Variants in PTPRT observed in about 807,000 individuals in gnomAD.
PTPRT encodes protein tyrosine phosphatase receptor type T.
Under a neutral mutation model 176.8 loss-of-function variants are expected in PTPRT, and 56 were observed. That is an observed-to-expected ratio of 0.32 (90% CI 0.26 to 0.40). PTPRT has a LOEUF of 0.40. Among genes scored for constraint, PTPRT ranks in the 10% least tolerant of loss-of-function variants. The pLI is 1.00. For missense variants in PTPRT, 1,540 were observed against 1,908.2 expected, an observed-to-expected ratio of 0.81 and a Z score of 3.60; for synonymous variants, 783 against 739.0, an observed-to-expected ratio of 1.06 and a Z score of -0.96.
intron 7 of PTPRT, among the ~76,000 whole-genome samples, chr20:42,481,777 AACACACACAC>A (rs11468323): frequency 4.2e-5 from 6 of 144,496 alleles, no homozygotes; most frequent in Non-Finnish European, 6.1e-5. Flanking sequence ...TACACACACA[AACACACACAC>A]ACACACACAC....
At chr20:42,791,613 G>T in intron 2 of PTPRT, 147 bp from the exon 3 acceptor site, 1 of 801,442 alleles carries the variant, frequency 1.2e-6, no homozygotes, top group Non-Finnish European at 1.9e-6. Flanking sequence ...CCCTGCAAAA[G>T]CCACATCTCT....
At chr20:42,136,059 T>G (rs1445174633) in intron 18 of PTPRT, among the ~76,000 whole-genome samples, 1 of 151,850 alleles carries the variant, frequency 6.6e-6, no homozygotes, top group Non-Finnish European at 1.5e-5. Flanking sequence ...AAACCACAAC[T>G]CCTTCTCCCT....
intron 11 of PTPRT, among the ~76,000 whole-genome samples, chr20:42,344,543 T>C (rs80088754): frequency 0.012 from 1,839 of 152,276 alleles, 34 homozygotes; most frequent in African/African-American, 0.041. Flanking sequence ...GACAGAGGGA[T>C]GACCATGACA....
At chr20:42,786,784 G>A (rs1291962519) in intron 3 of PTPRT, among the ~76,000 whole-genome samples, 2 of 152,208 alleles carry the variant, frequency 1.3e-5, no homozygotes, top group Admixed American at 6.5e-5. Flanking sequence ...GTGCCCATGA[G>A]CTTTTAGAGA....
intron 1 of PTPRT, among the ~76,000 whole-genome samples, chr20:42,923,755 T>C (rs1432048469): frequency 2.0e-5 from 3 of 152,214 alleles, no homozygotes; most frequent in African/African-American, 4.8e-5. Context: ...CTTCACAACC[T>C]GAAGGATGGC....
intron 5 of PTPRT, among the ~76,000 whole-genome samples, chr20:42,769,315 A>G (rs554603740): frequency 6.6e-6 from 1 of 152,236 alleles, no homozygotes; most frequent in African/African-American, 2.4e-5. Flanking sequence ...AAGTGACAAC[A>G]TGAACTTCCA....
Position 42,276,529 on chromosome 20 carries a change from ATATATATATATATATATATATATATATAT to A in PTPRT, c.2176+5931_2176+5959del, listed in dbSNP as rs1209900003. Reference sequence around the variant, plus strand: ...TATATATATATATATATATATATATATATATATATATATATATATATATATATATAATGTTCTTGAATACTTGGTAGAAA... The same window carrying A: ...TATATATATATATATATATATATATAAATGTTCTTGAATACTTGGTAGAAA... On this transcript the variant is annotated intron_variant, in intron 13 of 30. Transcript: ENST00000373187. Among the ~76,000 whole-genome samples, 5 of 47,068 alleles carry A rather than the reference ATATATATATATATATATATATATATATAT, an allele frequency of 1.1e-4. 1 individual carries two copies. The highest frequency in any genetic ancestry group is 1.5e-4 in the African/African-American group (2 of 13,266). The allele number at this position is 47,068 out of a possible 152,430, so 30.9% of individuals were successfully genotyped here.
intron 16 of PTPRT, among the ~76,000 whole-genome samples, chr20:42,163,188 G>A (rs894799849): frequency 3.3e-5 from 5 of 152,124 alleles, no homozygotes; most frequent in East Asian, 1.9e-4. Flanking sequence ...TGATGGGGTC[G>A]TACCTAATTA....
intron 1 of PTPRT, among the ~76,000 whole-genome samples, chr20:42,963,488 C>T (rs1000659851): frequency 5.3e-5 from 8 of 151,672 alleles, no homozygotes; most frequent in African/African-American, 1.9e-4. Context: ...TGAGTAGTTA[C>T]ATTTTTAAAA....
At chr20:42,883,829 CACA>C (rs796640757) in intron 2 of PTPRT, among the ~76,000 whole-genome samples, 49 of 15,738 alleles carry the variant, frequency 3.1e-3, no homozygotes, top group South Asian at 5.6e-3. Flanking sequence ...TGCACACACA[CACA>C]CCCCCATACA....
intron 27 of PTPRT, among the ~76,000 whole-genome samples, chr20:42,097,104 A>G (rs6016682): frequency 0.061 from 9,290 of 152,170 alleles, 363 homozygotes; most frequent in African/African-American, 0.087. Flanking sequence ...GGTCATCCCT[A>G]TTTCATACAT....
chr20:42,703,064 G>A (rs529987484), intron 6 of PTPRT, among the ~76,000 whole-genome samples: 1 of 152,174 alleles, frequency 6.6e-6, no homozygotes, highest in Admixed American at 6.5e-5. Flanking sequence ...CACTCCCATA[G>A]TTTAGGGATG....
intron 15 of PTPRT, among the ~76,000 whole-genome samples, chr20:42,212,182 G>A (rs1482889215): frequency 6.8e-6 from 1 of 146,442 alleles, no homozygotes; most frequent in Non-Finnish European, 1.5e-5. Flanking sequence ...AGCATTGGGA[G>A]ATATACCTAA....
chr20:42,525,181 T>C (rs1003479614), intron 7 of PTPRT, among the ~76,000 whole-genome samples: 1 of 151,972 alleles, frequency 6.6e-6, no homozygotes, highest in African/African-American at 2.4e-5. Context: ...AGAGAGGAGG[T>C]CTCCCTATGT....
At chr20:42,136,945 G>T (rs1411705090) in intron 18 of PTPRT, among the ~76,000 whole-genome samples, 1 of 152,128 alleles carries the variant, frequency 6.6e-6, no homozygotes, top group Non-Finnish European at 1.5e-5. Context: ...AGGGAGCTGG[G>T]GTATGTATAT....
rs182220775 is a variant in PTPRT, at chr20:43,097,823, G to A, written c.88+91823C>T. 1.3e-3 allele frequency among the ~76,000 whole-genome samples: 193 copies of A among 152,330 alleles called. 1 individual carries two copies. Among genetic ancestry groups the A allele is most frequent in the African/African-American group, 4.6e-3 (190 of 41,584 alleles). On this transcript the variant is annotated intron_variant, in intron 1 of 30. Coordinates refer to ENST00000373187, the MANE Select transcript of PTPRT (RefSeq NM_007050.6). ...GAACACCAGCCACAGCTCCTTAGAG[G>A]AAACAGCACAGGGGTCTTTATGATC...
intron 1 of PTPRT, among the ~76,000 whole-genome samples, chr20:43,054,831 C>T (rs1357551795): frequency 6.6e-6 from 1 of 152,122 alleles, no homozygotes; most frequent in Admixed American, 6.5e-5. Context: ...GGAAGGTTTA[C>T]AGATTTTTCT....
intron 17 of PTPRT, among the ~76,000 whole-genome samples, chr20:42,145,457 G>A (rs866171241): frequency 9.2e-5 from 14 of 151,972 alleles, no homozygotes; most frequent in African/African-American, 3.1e-4. Context: ...CCGAGATCAC[G>A]CCACTGCACT....
intron 7 of PTPRT, among the ~76,000 whole-genome samples, chr20:42,570,074 A>T (rs985840305): frequency 2.0e-5 from 3 of 152,150 alleles, no homozygotes; most frequent in Middle Eastern, 3.2e-3. Flanking sequence ...CTGCTACCCC[A>T]CATGGCTCCC....
Sources: gnomAD v4.1 joint callset for allele counts (sites outside exome capture counted in the v4.1 genomes callset) on GRCh38, gnomAD v4.1.1 for gene constraint, MANE v1.5 for transcripts, NCBI Gene and HGNC (gene_info 2026-07-23, HGNC 2026-07-21) for gene names.